Variants in TAPT1 observed in about 807,000 individuals in gnomAD.
TAPT1 encodes the protein transmembrane anterior posterior transformation protein 1 homolog.
Under a neutral mutation model 65.6 loss-of-function variants are expected in TAPT1, and 28 were observed. The ratio of observed to expected loss-of-function variants is 0.43; its 90% CI spans 0.32 to 0.59. The LOEUF (loss-of-function observed/expected upper bound fraction) is 0.59. Among genes scored for constraint, TAPT1 ranks in the 20% least tolerant of loss-of-function variants. TAPT1 has a pLI of 0.09. For synonymous variants in TAPT1, 278 were observed against 245.2 expected, an observed-to-expected ratio of 1.13 and a Z score of -1.25; for missense variants, 563 against 679.9, an observed-to-expected ratio of 0.83 and a Z score of 1.91.
chr4:16,191,145 A>G, intron 4 of TAPT1: 1 of 454,988 alleles, frequency 2.2e-6, no homozygotes, highest in Non-Finnish European at 3.8e-6. Flanking sequence ...CATGAGCCCC[A>G]CCGCCCTGGA....
chr4:16,226,062 C>A lies in TAPT1; in HGVS notation c.199+197G>T, dbSNP rs546542346. 3.9e-6 allele frequency: 4 copies of A among 1,016,190 alleles called. No individual in the cohort carries two copies. In the South Asian group the frequency reaches 1.9e-4, roughly 47 times the overall value. 62.9% of individuals were successfully genotyped at this position (1,016,190 alleles called of 1,614,324 possible). On this transcript the variant is annotated intron_variant, in intron 1 of 13. Coordinates refer to ENST00000405303, the MANE Select transcript of TAPT1 (RefSeq NM_153365.3). ...GCCGCGGGGGCCTCGGGGCTGCGCG[C>A]GCAACCCGCCCGAGGAACTGTCAAC...
chr4:16,179,378 T>C, intron 8 of TAPT1, 199 bp downstream of exon 8: 1 of 444,350 alleles, frequency 2.3e-6, no homozygotes, highest in Non-Finnish European at 4.1e-6. Flanking sequence ...ATTAGAATCT[T>C]ATGGGACCAC....
intron 10 of TAPT1, 101 bp from the exon 11 acceptor site, chr4:16,174,373 G>T: frequency 1.9e-6 from 2 of 1,039,450 alleles, no homozygotes; most frequent in Non-Finnish European, 2.8e-6. Context: ...AACAGGTGAG[G>T]CTATGGAGCA....
At chr4:16,194,855 T>TCC (rs1749592653) in intron 3 of TAPT1, among the ~76,000 whole-genome samples, 1 of 131,786 alleles carries the variant, frequency 7.6e-6, no homozygotes, top group African/African-American at 3.5e-5. Flanking sequence ...GGGTCTTGAT[T>TCC]TCTGTCTTCT....
chr4:16,168,569 C>T (rs1380701970), intron 12 of TAPT1, among the ~76,000 whole-genome samples: 1 of 152,226 alleles, frequency 6.6e-6, no homozygotes, highest in Admixed American at 6.5e-5. Context: ...GCACAGCTCC[C>T]TTCCTTACTG....
chr4:16,161,826 CA>C lies in TAPT1; in HGVS notation c.*1481del, dbSNP rs1013583510. The C allele has an allele frequency of 6.6e-5, 10 of 152,142 alleles. No homozygotes were observed. Among genetic ancestry groups the C allele is most frequent in the Non-Finnish European group, 4.4e-5 (3 of 68,024 alleles). 9.4% of individuals were successfully genotyped at this position (152,142 alleles called of 1,614,324 possible). A position where few individuals can be genotyped will look rare whatever the true frequency, so the allele number is the denominator to read the frequency against. The stretch of plus-strand genomic sequence containing the variant: ...CTTTATATTTCATCCAAGAAACAGA[CA>C]AATCACCTAAAAATTGCTTTCTGCC... On this transcript the variant is annotated 3_prime_UTR_variant, in exon 14 of 14. Coordinates refer to ENST00000405303, the MANE Select transcript of TAPT1 (RefSeq NM_153365.3).
intron 3 of TAPT1, among the ~76,000 whole-genome samples, chr4:16,200,391 T>A (rs201016515): frequency 6.6e-6 from 1 of 151,992 alleles, no homozygotes; most frequent in African/African-American, 2.4e-5. Context: ...GGCATAATCA[T>A]GGCTCACTGC....
At position 16,162,676 on chromosome 4, in the gene TAPT1, A is replaced by T. The variant is rs1053702747; in HGVS notation, c.*632T>A. On this transcript the variant is annotated 3_prime_UTR_variant, in exon 14 of 14. Transcript: ENST00000405303. ...CAGTAATGCATAGCCTTCATTAATT[A>T]TTTTTTTAATAAATAAACTAGTTTA... 2 of 152,958 alleles carry T rather than the reference A, an allele frequency of 1.3e-5. No individual in the cohort carries two copies. The highest frequency in any genetic ancestry group is 2.0e-4 in the East Asian group (1 of 5,088). The allele number at this position is 152,958 out of a possible 1,614,324, so 9.5% of individuals were successfully genotyped here.
intron 12 of TAPT1, 80 bp from the exon 13 acceptor site, chr4:16,166,873 G>C: frequency 5.0e-6 from 7 of 1,411,082 alleles, no homozygotes; most frequent in Non-Finnish European, 6.9e-6. Flanking sequence ...CCATGGCTAA[G>C]GAGAAGGTGG....
chr4:16,208,726 C>T (rs60460559), intron 2 of TAPT1, among the ~76,000 whole-genome samples: 26,447 of 152,140 alleles, frequency 0.17, 2,815 homozygotes, highest in East Asian at 0.3. Flanking sequence ...AAATAATTTC[C>T]TACTTGTTTA....
At chr4:16,201,021 T>C (rs1284853036) in intron 3 of TAPT1, among the ~76,000 whole-genome samples, 1 of 152,242 alleles carries the variant, frequency 6.6e-6, no homozygotes, top group Non-Finnish European at 1.5e-5. Context: ...TAATTCACTG[T>C]TATCCTGGAA....
intron 3 of TAPT1, among the ~76,000 whole-genome samples, chr4:16,195,908 C>A (rs1048718465): frequency 6.6e-6 from 1 of 152,144 alleles, no homozygotes; most frequent in African/African-American, 2.4e-5. Flanking sequence ...ATGGGAGAAT[C>A]CCTGCATAGT....
At chr4:16,222,083 A>G (rs1455363625) in intron 1 of TAPT1, among the ~76,000 whole-genome samples, 1 of 152,264 alleles carries the variant, frequency 6.6e-6, no homozygotes, top group Non-Finnish European at 1.5e-5. Flanking sequence ...AAGGTTATAA[A>G]GCAAAGGATT....
intron 3 of TAPT1, among the ~76,000 whole-genome samples, chr4:16,192,356 T>G (rs1490746054): frequency 6.6e-6 from 1 of 152,224 alleles, no homozygotes; most frequent in Non-Finnish European, 1.5e-5. Context: ...ATTAGGAAAC[T>G]AAACATCTTT....
intron 12 of TAPT1, among the ~76,000 whole-genome samples, chr4:16,168,998 T>G (rs1334558327): frequency 6.6e-6 from 1 of 152,238 alleles, no homozygotes; most frequent in Non-Finnish European, 1.5e-5. Flanking sequence ...TCTGATTTTA[T>G]TTTTTTAACT....
At position 16,188,244 on chromosome 4, in the gene TAPT1, A is replaced by T; in HGVS notation, c.724T>A (p.Phe242Ile). ...CAGACATAGAGAACAGCCATGAAAA[A>T]GTGAGGAATCACCCCAATGTGGGCT... ...KRAHIGVIPH[F>I]FMAVLYVFLH... Residue 242 changes from phenylalanine to isoleucine, a missense_variant, in exon 5 of 14, where the codon TTT becomes ATT. Around this residue, in one of 5 missense-constraint regions of TAPT1, gnomAD observed 217 missense variants for 317.5 expected, o/e 0.68. Transcript: ENST00000405303. The T allele has an allele frequency of 6.2e-7, 1 of 1,610,792 alleles. No homozygotes were observed. The highest frequency in any genetic ancestry group is 8.5e-7 in the Non-Finnish European group (1 of 1,178,832).
chr4:16,200,873 G>A (rs548804695), intron 3 of TAPT1, among the ~76,000 whole-genome samples: 1 of 152,134 alleles, frequency 6.6e-6, no homozygotes, highest in Non-Finnish European at 1.5e-5. Context: ...CTTTAAAAAG[G>A]CTTGTTAATA....
intron 3 of TAPT1, among the ~76,000 whole-genome samples, chr4:16,199,957 G>T (rs998925861): frequency 6.6e-6 from 1 of 152,148 alleles, no homozygotes; most frequent in Admixed American, 6.6e-5. Context: ...ACACAGAAAT[G>T]AACTTGAGTG....
Position 16,174,700 on chromosome 4 carries a change from A to C in TAPT1, c.1137T>G (p.Ala379=). 1 of 1,594,324 alleles carries C rather than the reference A, an allele frequency of 6.3e-7. No individual in the cohort carries two copies. The highest frequency in any genetic ancestry group is 1.7e-4 in the Middle Eastern group (1 of 6,030). ...TCTGTCGGCTGCTAACAAGGTCAAA[A>C]GCAAGACTGGCTCTATATTCACTGT... The part of the protein sequence containing the change: ...DVYSEYRASL[A]FDLVSSRQKN... The change falls in exon 10 of 14, where the codon GCT becomes GCG. Residue 379 remains alanine, a synonymous_variant. Transcript: ENST00000405303.
Sources: gnomAD v4.1 joint callset for allele counts (sites outside exome capture counted in the v4.1 genomes callset) on GRCh38, gnomAD v4.1.1 for gene constraint, gnomAD v4.1.1 regional missense constraint, MANE v1.5 for transcripts, NCBI Gene and HGNC (gene_info 2026-07-23, HGNC 2026-07-21) for gene names.